Variants in ADGRL3 observed in about 807,000 individuals in gnomAD.
ADGRL3 encodes calcium-independent alpha-latrotoxin receptor 3.
ADGRL3 carries 62 observed loss-of-function variants against 153.5 expected under a neutral mutation model. The ratio of observed to expected loss-of-function variants is 0.40; its 90% CI spans 0.33 to 0.50. The LOEUF is 0.50. Ranked by LOEUF, ADGRL3 falls within the 20% of genes least tolerant of loss-of-function variation. The probability of loss-of-function intolerance (pLI) is 0.47; values close to 1 mark genes in which losing one functional copy is unlikely to be tolerated. For missense variants in ADGRL3, 1,641 were observed against 1,859.4 expected (o/e 0.88, Z 2.16); for synonymous variants, 710 against 672.5 (o/e 1.06, Z -0.86).
intron 17 of ADGRL3, among the ~76,000 whole-genome samples, chr4:61,954,600 G>A (rs560306519): frequency 4.6e-5 from 7 of 151,848 alleles, no homozygotes; most frequent in African/African-American, 1.4e-4. Flanking sequence ...AGCATCTCTC[G>A]ACATCCTCTC....
At chr4:62,049,555 C>T (rs1733010457) in intron 25 of ADGRL3, among the ~76,000 whole-genome samples, 1 of 152,142 alleles carries the variant, frequency 6.6e-6, no homozygotes, top group South Asian at 2.1e-4. Context: ...CAGAAGCATT[C>T]TCAGTAAATA....
intron 23 of ADGRL3, among the ~76,000 whole-genome samples, chr4:62,035,506 G>T (rs973006876): frequency 2.0e-5 from 3 of 151,956 alleles, no homozygotes; most frequent in African/African-American, 4.8e-5. Context: ...TGTTGCAGGG[G>T]GAAGTTATGA....
chr4:61,320,814 G>A (rs2150747511), intron 1 of ADGRL3, among the ~76,000 whole-genome samples: 1 of 152,244 alleles, frequency 6.6e-6, no homozygotes, highest in East Asian at 1.9e-4. Context: ...CAAATTTATT[G>A]TTTTGCTCTT....
chr4:61,480,432 T>C (rs549695983), intron 2 of ADGRL3, among the ~76,000 whole-genome samples: 3 of 152,260 alleles, frequency 2.0e-5, no homozygotes, highest in Admixed American at 6.5e-5. Context: ...AGTTTGTTAA[T>C]ATTCAAAATA....
chr4:61,752,002 T>C (rs2096763135), intron 8 of ADGRL3, among the ~76,000 whole-genome samples: 1 of 152,140 alleles, frequency 6.6e-6, no homozygotes, highest in South Asian at 2.1e-4. Context: ...TTTCCCAGGA[T>C]TGATTTAACT....
intron 1 of ADGRL3, among the ~76,000 whole-genome samples, chr4:61,217,276 G>T (rs1743237972): frequency 6.6e-6 from 1 of 152,178 alleles, no homozygotes; most frequent in Non-Finnish European, 1.5e-5. Flanking sequence ...ATCAGACCTT[G>T]CCTGAGCTGG....
intron 1 of ADGRL3, among the ~76,000 whole-genome samples, chr4:61,334,847 G>A (rs2095645397): frequency 6.6e-6 from 1 of 152,028 alleles, no homozygotes; most frequent in Non-Finnish European, 1.5e-5. Context: ...TTGGATTTAG[G>A]AAGAGATCTG....
At chr4:61,673,240 A>G (rs2095067261) in intron 5 of ADGRL3, among the ~76,000 whole-genome samples, 1 of 151,862 alleles carries the variant, frequency 6.6e-6, no homozygotes, top group South Asian at 2.1e-4. Flanking sequence ...ATGCAGAATG[A>G]GTTAATTCTG....
Position 61,892,814 on chromosome 4 carries a change from G to T in ADGRL3, c.1639G>T (p.Asp547Tyr). ...ATCTCCAGCTGTCGAGGTACTTGAT[G>T]ACATGACCACACACCTTCCATCAGC... ...TPSPAVEVLD[D>Y]MTTHLPSASS... The change falls in exon 10 of 27, where the codon GAC (aspartate) becomes TAC (tyrosine). Residue 547 changes from aspartate to tyrosine, a missense_variant. Transcript: ENST00000683033. The T allele has an allele frequency of 6.2e-7, 1 of 1,613,860 alleles. No individual in the cohort carries two copies. The highest frequency in any genetic ancestry group is 1.3e-5 in the African/African-American group (1 of 75,006).
At chr4:61,553,371 G>C (rs2098749143) in intron 4 of ADGRL3, among the ~76,000 whole-genome samples, 1 of 152,102 alleles carries the variant, frequency 6.6e-6, no homozygotes, top group South Asian at 2.1e-4. Context: ...CAATACAGTA[G>C]ACAAAATGGA....
At chr4:61,409,964 G>A (rs773392957) in intron 2 of ADGRL3, among the ~76,000 whole-genome samples, 4 of 151,828 alleles carry the variant, frequency 2.6e-5, no homozygotes, top group Admixed American at 6.6e-5. Flanking sequence ...ATGTGGATGC[G>A]TATACTAGAT....
chr4:61,622,641 C>T (rs1158408367), intron 5 of ADGRL3, among the ~76,000 whole-genome samples: 1 of 152,118 alleles, frequency 6.6e-6, no homozygotes, highest in Non-Finnish European at 1.5e-5. Flanking sequence ...TTACTATGTG[C>T]TAGGCATTCT....
chr4:61,724,423 T>G (rs1271223882), intron 6 of ADGRL3, among the ~76,000 whole-genome samples: 1 of 152,316 alleles, frequency 6.6e-6, no homozygotes, highest in African/African-American at 2.4e-5. Context: ...TCCCAGTTTC[T>G]GTAGCATCTA....
At chr4:61,360,665 G>A (rs1373871076) in intron 1 of ADGRL3, among the ~76,000 whole-genome samples, 1 of 152,112 alleles carries the variant, frequency 6.6e-6, no homozygotes, top group Non-Finnish European at 1.5e-5. Context: ...CAAAAACATA[G>A]CTGCTGAATG....
chr4:61,763,259 C>T, intron 8 of ADGRL3, among the ~76,000 whole-genome samples: 1 of 148,680 alleles, frequency 6.7e-6, no homozygotes, highest in East Asian at 2.0e-4. Flanking sequence ...GTTATCTTGG[C>T]TCACTGAAAC....
At chr4:61,962,996 A>G (rs1199064230) in intron 17 of ADGRL3, among the ~76,000 whole-genome samples, 2 of 152,076 alleles carry the variant, frequency 1.3e-5, no homozygotes, top group Non-Finnish European at 2.9e-5. Flanking sequence ...TGCTGTGGAA[A>G]CACATGGGAA....
chr4:62,018,128 A>G (rs890753937), intron 21 of ADGRL3, among the ~76,000 whole-genome samples: 5 of 152,180 alleles, frequency 3.3e-5, no homozygotes, highest in Non-Finnish European at 7.3e-5. Context: ...GTCATAAAAT[A>G]TAACTAGTTA....
At chr4:61,368,544 T>A (rs923472928) in intron 1 of ADGRL3, among the ~76,000 whole-genome samples, 1 of 151,934 alleles carries the variant, frequency 6.6e-6, no homozygotes, top group Admixed American at 6.6e-5. Context: ...GTTGTAGATA[T>A]GCGGCGTTAT....
intron 14 of ADGRL3, 145 bp from the exon 15 acceptor site, chr4:61,935,778 T>C (rs1271992913): frequency 2.6e-6 from 2 of 755,462 alleles, no homozygotes; most frequent in African/African-American, 3.6e-5. Context: ...ACTAACAATA[T>C]ATTTTCTTAA....
Sources: gnomAD v4.1 joint callset for allele counts (sites outside exome capture counted in the v4.1 genomes callset) on GRCh38, gnomAD v4.1.1 for gene constraint, MANE v1.5 for transcripts, NCBI Gene and HGNC (gene_info 2026-07-23, HGNC 2026-07-21) for gene names.